Variants in USP25 observed in about 807,000 individuals in gnomAD.
The protein encoded by USP25 is ubiquitin carboxyl-terminal hydrolase 25.
USP25 carries 85 observed loss-of-function variants against 158.5 expected under a neutral mutation model. The ratio of observed to expected loss-of-function variants is 0.54; its 90% CI spans 0.45 to 0.64. The LOEUF is 0.64. USP25 is among the 30% of genes least tolerant of loss of function. The probability of loss-of-function intolerance (pLI) is 0.00; values close to 1 mark genes in which losing one functional copy is unlikely to be tolerated. For synonymous variants in USP25, 464 were observed against 460.4 expected (o/e 1.01, Z -0.10); for missense variants, 1,242 against 1,327.3 (o/e 0.94, Z 1.00).
chr21:15,841,449 A>G (rs1317681937), intron 17 of USP25, among the ~76,000 whole-genome samples: 1 of 152,088 alleles, frequency 6.6e-6, no homozygotes, highest in East Asian at 1.9e-4. Context: ...TACCTGCATC[A>G]TCTCTTGCCA....
chr21:15,770,113 C>A (rs989026080), intron 3 of USP25, among the ~76,000 whole-genome samples: 1 of 151,968 alleles, frequency 6.6e-6, no homozygotes, highest in Admixed American at 6.6e-5. Context: ...ATAAATAGAT[C>A]CAATTCTAGT....
intron 9 of USP25, among the ~76,000 whole-genome samples, chr21:15,812,341 ATTG>A (rs1179543205): frequency 6.6e-6 from 1 of 152,026 alleles, no homozygotes; most frequent in African/African-American, 2.4e-5. Flanking sequence ...CCTAAAATTG[ATTG>A]TTATTAAAAT....
intron 19 of USP25, 147 bp from the exon 20 acceptor site, chr21:15,849,630 T>TGC: frequency 5.2e-6 from 3 of 580,628 alleles, no homozygotes; most frequent in Non-Finnish European, 8.6e-6. Flanking sequence ...TCTTAAAAGG[T>TGC]GCTTACATGC....
rs1185319830 is a variant in USP25 at position 15,776,058 on chromosome 21, G to A, written c.269-1846G>A. On this transcript the variant is annotated intron_variant, in intron 3 of 25. Transcript: ENST00000400183. ...TCTAGCCATTTTAATAACCAAGATA[G>A]CTTTCATTTTTATGAGGCATTCCAT... Among the ~76,000 whole-genome samples, 3 of 151,924 alleles carry A rather than the reference G, an allele frequency of 2.0e-5. No individual in the cohort carries two copies. In the East Asian group the frequency reaches 5.8e-4, roughly 29 times the overall value.
At chr21:15,795,593 G>T (rs1458725603) in intron 5 of USP25, among the ~76,000 whole-genome samples, 2 of 151,464 alleles carry the variant, frequency 1.3e-5, no homozygotes, top group Non-Finnish European at 3.0e-5. Context: ...TGGTCGATGT[G>T]GGTATCAGTT....
At chr21:15,785,187 A>G (rs1407368080) in intron 4 of USP25, among the ~76,000 whole-genome samples, 3 of 152,214 alleles carry the variant, frequency 2.0e-5, no homozygotes, top group African/African-American at 4.8e-5. Context: ...AAAATAATCA[A>G]TTCACCAAGA....
rs2040179361 is a variant in USP25 at position 15,878,312 on chromosome 21, A to G, written c.3215A>G (p.Gln1072Arg). 6.2e-7 allele frequency: 1 copy of G among 1,611,544 alleles called. No individual in the cohort carries two copies. Among genetic ancestry groups the G allele is most frequent in the African/African-American group, 1.3e-5 (1 of 74,860 alleles). ...YLGQEMEPHL[Q>R]EKLTDFLPKL... ...TTGTTTGTATTTGCAGCACACCTCC[A>G]AGAAAAGCTGACAGATTTTTTGCCA... is the stretch of plus-strand genomic sequence containing the variant. Residue 1072 changes from glutamine to arginine, a missense_variant, in exon 26 of 26, where the codon CAA (glutamine) becomes CGA (arginine). Around this residue, in one of 3 missense-constraint regions of USP25, gnomAD observed 608 missense variants for 605.2 expected, o/e 1.00. Coordinates refer to ENST00000400183, the MANE Select transcript of USP25 (RefSeq NM_001283041.3).
At chr21:15,777,433 T>C (rs1281348269) in intron 3 of USP25, among the ~76,000 whole-genome samples, 1 of 152,228 alleles carries the variant, frequency 6.6e-6, no homozygotes, top group East Asian at 1.9e-4. Context: ...CTCTGGTTAG[T>C]TTCTGAAACA....
At chr21:15,804,480 A>G (rs1264500637) in intron 6 of USP25, among the ~76,000 whole-genome samples, 1 of 151,798 alleles carries the variant, frequency 6.6e-6, no homozygotes, top group Non-Finnish European at 1.5e-5. Context: ...TTTATAAGTA[A>G]TTTTTATTAA....
intron 6 of USP25, among the ~76,000 whole-genome samples, chr21:15,800,922 G>A (rs2036102291): frequency 6.6e-6 from 1 of 151,422 alleles, no homozygotes; most frequent in Non-Finnish European, 1.5e-5. Context: ...TAGAGTGTCA[G>A]GCTGATAAAC....
intron 10 of USP25, among the ~76,000 whole-genome samples, chr21:15,820,333 A>T (rs935319907): frequency 6.6e-6 from 1 of 152,066 alleles, no homozygotes; most frequent in Non-Finnish European, 1.5e-5. Flanking sequence ...TATTGTACAC[A>T]GAATTGAAAT....
rs570048955 is a variant in USP25, at chr21:15,795,078, C to G, written c.555+3414C>G. ...AACCTGTCTGCTTCCTAGTCCTGCC[C>G]CTTGAAAGAGACCTGTATCTAATCC... On this transcript the variant is annotated intron_variant, in intron 5 of 25. Transcript: ENST00000400183. Among the ~76,000 whole-genome samples, 352 of 151,500 alleles carry G rather than the reference C, an allele frequency of 2.3e-3. 1 individual carries two copies. The highest frequency in any genetic ancestry group is 2.5e-3 in the Non-Finnish European group (167 of 67,644).
chr21:15,756,631 A>G lies in USP25; in HGVS notation c.46-6260A>G, dbSNP rs1397970028. ...ACTCTCAGGTTTTTAATTTATATTG[A>G]AATTACCAATATTTCCTTATATCTG... is the stretch of plus-strand genomic sequence containing the variant. On this transcript the variant is annotated intron_variant, in intron 1 of 25. Transcript: ENST00000400183. Among the ~76,000 whole-genome samples the G allele has an allele frequency of 4.4e-4, 67 of 152,242 alleles. 1 individual carries two copies. The highest frequency in any genetic ancestry group is 4.4e-3 in the Admixed American group (67 of 15,300).
intron 21 of USP25, 45 bp from the exon 22 acceptor site, chr21:15,866,221 A>ACG (rs1443191905): frequency 3.3e-6 from 4 of 1,201,264 alleles, no homozygotes; most frequent in Non-Finnish European, 4.6e-6. Flanking sequence ...ATATATATAT[A>ACG]CACACACATA....
chr21:15,797,839 G>A (rs1023375696), intron 5 of USP25, among the ~76,000 whole-genome samples: 1 of 151,268 alleles, frequency 6.6e-6, no homozygotes, highest in African/African-American at 2.4e-5. Flanking sequence ...GAGAGAAGGA[G>A]AGGGAGAGAG....
intron 3 of USP25, among the ~76,000 whole-genome samples, chr21:15,772,804 G>C (rs1436884643): frequency 6.6e-6 from 1 of 152,120 alleles, no homozygotes; most frequent in African/African-American, 2.4e-5. Context: ...TTAAAATCAT[G>C]TGAATTTGGT....
At chr21:15,840,560 G>GTA (rs1268271196) in intron 17 of USP25, among the ~76,000 whole-genome samples, 1 of 152,054 alleles carries the variant, frequency 6.6e-6, no homozygotes, top group East Asian at 1.9e-4. Context: ...TCCCTAGGAG[G>GTA]TATATACATA....
chr21:15,745,829 G>T (rs1391343133), intron 1 of USP25, among the ~76,000 whole-genome samples: 1 of 152,020 alleles, frequency 6.6e-6, no homozygotes, highest in Non-Finnish European at 1.5e-5. Flanking sequence ...CCTGTGTTTT[G>T]TTCTAGAAGT....
At chr21:15,739,998 G>A (rs1477348591) in intron 1 of USP25, among the ~76,000 whole-genome samples, 1 of 152,124 alleles carries the variant, frequency 6.6e-6, no homozygotes, top group African/African-American at 2.4e-5. Flanking sequence ...CAGACCATCT[G>A]CTTTATTTTT....
Sources: allele counts gnomAD v4.1 joint callset (sites outside exome capture counted in the v4.1 genomes callset), GRCh38; gene constraint gnomAD v4.1.1; regional missense constraint gnomAD v4.1.1; transcripts MANE v1.5; gene names NCBI Gene and HGNC (gene_info 2026-07-23, HGNC 2026-07-21).